The following PKIB variants were observed in gnomAD, a reference collection of about 807,000 sequenced individuals.
PKIB encodes PKI-beta.
A neutral mutation model predicts 4.5 loss-of-function variants in PKIB; 2 were observed. The observed-to-expected ratio is 0.44, with a 90% CI of 0.18 to 1.39. The LOEUF is 1.39. Ranked by LOEUF, PKIB falls within the 40% of genes most tolerant of loss-of-function variation. The pLI, the probability that PKIB is intolerant of heterozygous loss-of-function variation, is 0.27. For missense variants in PKIB, 94 were observed against 92.6 expected (o/e 1.02, Z -0.06); for synonymous variants, 38 against 36.0 (o/e 1.06, Z -0.20).
chr6:122,517,321 T>C, intron 2 of PKIB, among the ~76,000 whole-genome samples: 1 of 152,200 alleles, frequency 6.6e-6, no homozygotes, highest in Non-Finnish European at 1.5e-5. Context: ...TTAAAGAGAC[T>C]TTTAAAAATA....
At chr6:122,579,206 A>C (rs1773636015) in intron 2 of PKIB, among the ~76,000 whole-genome samples, 1 of 152,152 alleles carries the variant, frequency 6.6e-6, no homozygotes, top group Non-Finnish European at 1.5e-5. Context: ...GTTTATTTTC[A>C]ATGACTTCCT....
chr6:122,532,445 C>A (rs1161117895), intron 2 of PKIB, among the ~76,000 whole-genome samples: 4 of 152,060 alleles, frequency 2.6e-5, no homozygotes, highest in Admixed American at 6.6e-5. Context: ...GCATTAGGTG[C>A]ATTAACATTG....
intron 3 of PKIB, among the ~76,000 whole-genome samples, chr6:122,594,441 A>G (rs1197755600): frequency 6.6e-6 from 1 of 152,092 alleles, no homozygotes; most frequent in African/African-American, 2.4e-5. Flanking sequence ...TCCTGACCTC[A>G]TGATCTGCCC....
chr6:122,628,329 G>A (rs1182817757), intron 1 of PKIB, among the ~76,000 whole-genome samples: 3 of 152,086 alleles, frequency 2.0e-5, no homozygotes, highest in South Asian at 2.1e-4. Flanking sequence ...GAGCCACCGC[G>A]CCCGGCCTCC....
chr6:122,588,734 T>A (rs1307291108), intron 3 of PKIB, among the ~76,000 whole-genome samples: 2 of 152,226 alleles, frequency 1.3e-5, no homozygotes, highest in African/African-American at 4.8e-5. Flanking sequence ...GACTCTTATA[T>A]ATGCCTTGTA....
chr6:122,551,171 C>A (rs940448836), intron 2 of PKIB, among the ~76,000 whole-genome samples: 14 of 152,114 alleles, frequency 9.2e-5, no homozygotes, highest in African/African-American at 3.1e-4. Context: ...TCATGACTTT[C>A]AGTGCTGGGA....
intron 3 of PKIB, among the ~76,000 whole-genome samples, chr6:122,696,272 T>C (rs184593939): frequency 6.6e-6 from 1 of 152,270 alleles, no homozygotes; most frequent in Admixed American, 6.5e-5. Context: ...TATATGATGA[T>C]GTAAAAGTTT....
chr6:122,560,966 A>G (rs1438399755), intron 2 of PKIB, among the ~76,000 whole-genome samples: 2 of 151,606 alleles, frequency 1.3e-5, no homozygotes, highest in African/African-American at 4.8e-5. Flanking sequence ...TGGTCTATCA[A>G]TTTTATTTAT....
intron 3 of PKIB, among the ~76,000 whole-genome samples, chr6:122,693,174 G>A (rs1778423560): frequency 6.6e-6 from 1 of 152,020 alleles, no homozygotes; most frequent in African/African-American, 2.4e-5. Context: ...TTAATTTCAG[G>A]GTCCAGCAGA....
chr6:122,579,162 GT>G (rs1193610589), intron 2 of PKIB, among the ~76,000 whole-genome samples: 3 of 152,124 alleles, frequency 2.0e-5, no homozygotes, highest in African/African-American at 7.2e-5. Context: ...GGAGTTCAAG[GT>G]TGCCATAATT....
intron 2 of PKIB, among the ~76,000 whole-genome samples, chr6:122,539,483 T>C: frequency 6.6e-6 from 1 of 152,106 alleles, no homozygotes; most frequent in Admixed American, 6.5e-5. Flanking sequence ...CTGGATTATG[T>C]TTATTGATTT....
At chr6:122,689,106 G>T (rs1219997010) in intron 3 of PKIB, among the ~76,000 whole-genome samples, 1 of 151,972 alleles carries the variant, frequency 6.6e-6, no homozygotes, top group Non-Finnish European at 1.5e-5. Flanking sequence ...TCTGGTATTG[G>T]TTGTAACATC....
chr6:122,684,220 A>G (rs1285620457), intron 3 of PKIB, among the ~76,000 whole-genome samples: 1 of 152,220 alleles, frequency 6.6e-6, no homozygotes, highest in Non-Finnish European at 1.5e-5. Flanking sequence ...ATCAATAGGC[A>G]TAAAGTTTCA....
intron 2 of PKIB, among the ~76,000 whole-genome samples, chr6:122,538,125 G>T (rs1777465091): frequency 6.6e-6 from 1 of 151,968 alleles, no homozygotes; most frequent in African/African-American, 2.4e-5. Flanking sequence ...CCATTCTGTA[G>T]GTTACCTGTT....
chr6:122,631,545 G>T (rs1299531726), intron 1 of PKIB, among the ~76,000 whole-genome samples: 1 of 152,162 alleles, frequency 6.6e-6, no homozygotes, highest in East Asian at 1.9e-4. Context: ...TACTTCTGCA[G>T]ATCTTCAGGG....
At chr6:122,537,077 A>G (rs1582683388) in intron 2 of PKIB, among the ~76,000 whole-genome samples, 1 of 151,812 alleles carries the variant, frequency 6.6e-6, no homozygotes, top group African/African-American at 2.4e-5. Flanking sequence ...TTTTCTTTAT[A>G]CTGGTGCTGC....
chr6:122,503,541 A>G (rs1353523597), intron 2 of PKIB, among the ~76,000 whole-genome samples: 1 of 152,110 alleles, frequency 6.6e-6, no homozygotes, highest in Non-Finnish European at 1.5e-5. Context: ...TTTCTCTATC[A>G]CTTATCTTTC....
At chr6:122,472,002 T>A in exon 1 of PKIB, 1 of 767,674 alleles carries the variant, frequency 1.3e-6, no homozygotes, top group Non-Finnish European at 2.0e-6. Context: ...ACTTAACGGC[T>A]AATGTGGATC....
chr6:122,501,577 G>A (rs1197381090), intron 2 of PKIB, among the ~76,000 whole-genome samples: 1 of 152,198 alleles, frequency 6.6e-6, no homozygotes, highest in Admixed American at 6.5e-5. Flanking sequence ...CCCTTTTAGC[G>A]ATGGCTGGAG....
Sources: gnomAD v4.1 joint callset for allele counts (sites outside exome capture counted in the v4.1 genomes callset) on GRCh38, gnomAD v4.1.1 for gene constraint, MANE v1.5 for transcripts, NCBI Gene and HGNC (gene_info 2026-07-23, HGNC 2026-07-21) for gene names.